The following MYH16 variants were observed in gnomAD, a reference collection of about 807,000 sequenced individuals.
The protein encoded by MYH16 is putative uncharacterized protein MYH16.
intron 13 of MYH16, among the ~76,000 whole-genome samples, chr7:99,263,038 G>A (rs1791952570): frequency 6.6e-6 from 1 of 152,206 alleles, no homozygotes; most frequent in African/African-American, 2.4e-5. Flanking sequence ...GCCCAGGAGA[G>A]AGTAGCAGGG....
chr7:99,297,704 A>G, exon 35 of MYH16: 1 of 456,612 alleles, frequency 2.2e-6, no homozygotes. Context: ...GGGAGGAAGG[A>G]GTGTGCATGA....
intron 34 of MYH16, 133 bp from the exon 16 acceptor site, chr7:99,297,527 C>G: frequency 2.9e-6 from 1 of 347,542 alleles, no homozygotes. Flanking sequence ...AGATTATGGT[C>G]AGGTGTGGTG....
intron 14 of MYH16, among the ~76,000 whole-genome samples, chr7:99,263,983 G>C (rs1791964090): frequency 6.6e-6 from 1 of 152,128 alleles, no homozygotes; most frequent in Non-Finnish European, 1.5e-5. Context: ...CAGAAAATGG[G>C]AGCAGTTTGT....
At chr7:99,303,858 G>A (rs1792643157) in intron 39 of MYH16, among the ~76,000 whole-genome samples, 1 of 152,176 alleles carries the variant, frequency 6.6e-6, no homozygotes, top group Admixed American at 6.5e-5. Flanking sequence ...GGAAGGGCTA[G>A]TAAAAGGAAG....
intron 19 of MYH16, among the ~76,000 whole-genome samples, chr7:99,271,819 C>A: frequency 6.6e-6 from 1 of 152,150 alleles, no homozygotes; most frequent in East Asian, 1.9e-4. Context: ...CCCACCTCAG[C>A]CTCCTGAGTA....
intron 23 of MYH16, among the ~76,000 whole-genome samples, chr7:99,282,644 TG>T (rs1170699524): frequency 2.3e-5 from 3 of 128,250 alleles, no homozygotes; most frequent in African/African-American, 1.4e-4. Flanking sequence ...CACTAATTTT[TG>T]TTTGTTTTTG....
chr7:99,242,081 G>A (rs1339979731), intron 1 of MYH16, among the ~76,000 whole-genome samples: 4 of 152,006 alleles, frequency 2.6e-5, no homozygotes, highest in South Asian at 2.1e-4. Context: ...GGCTGGTCTC[G>A]AACTCCTGAC....
At chr7:99,260,523 G>GCGACCACCGAGAT in intron 12 of MYH16, 1 of 326,440 alleles carries the variant, frequency 3.1e-6, no homozygotes, top group Non-Finnish European at 5.9e-6. Flanking sequence ...TGTTTGTTGG[G>GCGACCACCGAGAT]CTATTGCATG....
intron 3 of MYH16, chr7:99,247,837 G>C (rs1791752558): frequency 6.5e-6 from 1 of 152,716 alleles, no homozygotes; most frequent in African/African-American, 2.4e-5. Flanking sequence ...TTAAGACCTT[G>C]TGATACCCGA....
chr7:99,297,919 C>T (rs1262947891), exon 36 of MYH16: 1 of 456,654 alleles, frequency 2.2e-6, no homozygotes, highest in South Asian at 1.5e-5. Flanking sequence ...GATTCGAATT[C>T]AGTTGGAACT....
intron 1 of MYH16, among the ~76,000 whole-genome samples, chr7:99,241,653 C>T (rs138601226): frequency 1.2e-4 from 18 of 152,118 alleles, no homozygotes; most frequent in East Asian, 9.7e-4. Flanking sequence ...GTAACCATTA[C>T]GGGGAGTGGG....
chr7:99,291,174 G>A (rs181812034), intron 30 of MYH16, 149 bp from the exon 12 acceptor site: 2 of 338,388 alleles, frequency 5.9e-6, no homozygotes, highest in Admixed American at 8.1e-5. Flanking sequence ...GGAGGCTAGA[G>A]TGGTGATCTA....
At chr7:99,256,275 C>CAAAAAAA (rs55894638) in intron 9 of MYH16, among the ~76,000 whole-genome samples, 1 of 71,036 alleles carries the variant, frequency 1.4e-5, no homozygotes, top group African/African-American at 5.3e-5. Flanking sequence ...CCCGTCTCTG[C>CAAAAAAA]AAAAAAAAAA....
At position 99,298,236 on chromosome 7, in the gene MYH16, G is replaced by GTT. The variant is rs1225164206; in HGVS notation, n.4740+254_4740+255dup. ...TTGGTTTTTTTGGGGGTTCTTTTTG[G>GTT]TTTTTTTTTTTTTTGAGACAGAATC... is the stretch of plus-strand genomic sequence containing the variant. On this transcript the variant is annotated intron_variant and non_coding_transcript_variant, in intron 36 of 41. Transcript: ENST00000439784. 1.6e-4 allele frequency among the ~76,000 whole-genome samples: 23 copies of GTT among 141,278 alleles called. 1 individual carries two copies. In the East Asian group the frequency reaches 3.6e-3, roughly 22 times the overall value. 92.7% of individuals were successfully genotyped at this position (141,278 alleles called of 152,430 possible).
intron 9 of MYH16, chr7:99,255,788 G>A (rs1433854255): frequency 2.6e-5 from 4 of 152,412 alleles, no homozygotes; most frequent in African/African-American, 9.6e-5. Context: ...AGCCCACTTA[G>A]AGCTGCCAGA....
chr7:99,297,045 C>CTAGCAAGTGCTTTGTAG, intron 34 of MYH16, 128 bp downstream of exon 15: 1 of 368,550 alleles, frequency 2.7e-6, no homozygotes, highest in Non-Finnish European at 5.4e-6. Flanking sequence ...TGTTGACTTT[C>CTAGCAAGTGCTTTGTAG]TAGCAAGTGC....
intron 22 of MYH16, among the ~76,000 whole-genome samples, chr7:99,280,173 C>G (rs572930805): frequency 1.3e-5 from 2 of 152,346 alleles, no homozygotes; most frequent in African/African-American, 4.8e-5. Flanking sequence ...ATACCCAGCC[C>G]ACATGGGGCT....
At chr7:99,290,201 T>G (rs1329606316) in intron 30 of MYH16, among the ~76,000 whole-genome samples, 2 of 152,154 alleles carry the variant, frequency 1.3e-5, no homozygotes, top group African/African-American at 4.8e-5. Flanking sequence ...AACAATATCC[T>G]GGCTGGGTGC....
At chr7:99,283,313 G>A (rs1162521325) in intron 23 of MYH16, among the ~76,000 whole-genome samples, 2 of 152,204 alleles carry the variant, frequency 1.3e-5, no homozygotes, top group Non-Finnish European at 2.9e-5. Context: ...GGGTGCAGTG[G>A]TACGATCATA....
Sources: allele counts gnomAD v4.1 joint callset (sites outside exome capture counted in the v4.1 genomes callset), GRCh38; gene constraint gnomAD v4.1.1; transcripts MANE v1.5; gene names NCBI Gene and HGNC (gene_info 2026-07-23, HGNC 2026-07-21).